Variants in SBF2 observed in about 807,000 individuals in gnomAD.
SBF2 encodes SET binding factor 2.
A neutral mutation model predicts 225.2 loss-of-function variants in SBF2; 112 were observed. That is an observed-to-expected ratio of 0.50 (90% CI 0.43 to 0.58). SBF2 has a LOEUF of 0.58. Ranked by LOEUF, SBF2 falls within the 20% of genes least tolerant of loss-of-function variation. SBF2 has a pLI of 0.00. For missense variants in SBF2, 1,996 were observed against 2,206.2 expected (o/e 0.90, Z 1.91); for synonymous variants, 763 against 773.3 (o/e 0.99, Z 0.22).
At chr11:10,181,394 T>C (rs1382241404) in intron 2 of SBF2, among the ~76,000 whole-genome samples, 1 of 152,078 alleles carries the variant, frequency 6.6e-6, no homozygotes, top group African/African-American at 2.4e-5. Flanking sequence ...ACTGTCACTT[T>C]TCTCTTTGGT....
intron 16 of SBF2, among the ~76,000 whole-genome samples, chr11:9,938,303 GA>G (rs67208106): frequency 0.17 from 23,632 of 143,148 alleles, 2,115 homozygotes; most frequent in Middle Eastern, 0.27. Flanking sequence ...AAAAAAAAAA[GA>G]AAAAAAAAAG....
At chr11:10,174,806 G>T (rs1346153419) in intron 2 of SBF2, among the ~76,000 whole-genome samples, 2 of 151,884 alleles carry the variant, frequency 1.3e-5, no homozygotes, top group South Asian at 2.1e-4. Context: ...GACTAACAGC[G>T]GATCTCTCGG....
chr11:9,781,033 C>G (rs1483655880), intron 39 of SBF2, among the ~76,000 whole-genome samples: 1 of 152,228 alleles, frequency 6.6e-6, no homozygotes, highest in Non-Finnish European at 1.5e-5. Flanking sequence ...CTGCTTGACT[C>G]CAGGGACTAC....
At chr11:9,825,751 G>A (rs1009676940) in intron 28 of SBF2, among the ~76,000 whole-genome samples, 3 of 152,146 alleles carry the variant, frequency 2.0e-5, no homozygotes, top group Admixed American at 6.5e-5. Flanking sequence ...GCACTGATTC[G>A]TATAATAAGT....
At chr11:10,258,109 C>CACT (rs1555098198) in intron 1 of SBF2, among the ~76,000 whole-genome samples, 62 of 133,512 alleles carry the variant, frequency 4.6e-4, no homozygotes, top group African/African-American at 1.4e-3. Flanking sequence ...CACACACACA[C>CACT]TTTTTTTTTT....
chr11:10,108,247 G>C (rs1045692635), intron 2 of SBF2, among the ~76,000 whole-genome samples: 1 of 152,106 alleles, frequency 6.6e-6, no homozygotes, highest in African/African-American at 2.4e-5. Context: ...AATGACAGAG[G>C]CTAAGGAAGA....
At chr11:9,932,980 A>C (rs1299989623) in intron 16 of SBF2, among the ~76,000 whole-genome samples, 222 of 150,496 alleles carry the variant, frequency 1.5e-3, no homozygotes, top group African/African-American at 3.1e-3. Context: ...AAAAAAAAAA[A>C]AAAAAAACAG....
chr11:9,809,933 C>T (rs1424768074), intron 30 of SBF2, among the ~76,000 whole-genome samples: 2 of 152,130 alleles, frequency 1.3e-5, no homozygotes, highest in East Asian at 3.9e-4. Context: ...TTGAGTTGTG[C>T]ACCTTTATCA....
intron 28 of SBF2, among the ~76,000 whole-genome samples, chr11:9,823,446 T>C (rs1473183940): frequency 1.4e-5 from 2 of 145,728 alleles, no homozygotes; most frequent in African/African-American, 5.1e-5. Flanking sequence ...ATGAAAAAAA[T>C]TGTGAAAATA....
At chr11:10,120,111 G>C (rs886745747) in intron 2 of SBF2, among the ~76,000 whole-genome samples, 2 of 152,018 alleles carry the variant, frequency 1.3e-5, no homozygotes, top group Non-Finnish European at 2.9e-5. Context: ...CCTAGCCCCT[G>C]GCAATCCCAT....
At chr11:9,921,064 C>CTTTTTTTTT (rs34959264) in intron 16 of SBF2, among the ~76,000 whole-genome samples, 2 of 85,888 alleles carry the variant, frequency 2.3e-5, no homozygotes, top group Non-Finnish European at 2.1e-5. Context: ...CTGAAAACTT[C>CTTTTTTTTT]TTTTTTTTTT....
intron 2 of SBF2, among the ~76,000 whole-genome samples, chr11:10,047,566 C>A (rs923515724): frequency 5.3e-5 from 8 of 152,126 alleles, no homozygotes; most frequent in South Asian, 4.1e-4. Context: ...ACCATTACCC[C>A]CTTTGATCCA....
intron 35 of SBF2, among the ~76,000 whole-genome samples, chr11:9,788,851 C>T (rs1292468031): frequency 3.3e-5 from 5 of 151,536 alleles, no homozygotes; most frequent in South Asian, 2.1e-4. Context: ...GTGATCTGCC[C>T]GCCTCAGCCT....
At chr11:10,044,677 C>A (rs1244699455) in intron 2 of SBF2, 2 of 153,562 alleles carry the variant, frequency 1.3e-5, no homozygotes, top group Admixed American at 1.3e-4. Flanking sequence ...AAAGGCCCCA[C>A]CTTCTTGTAC....
At chr11:10,174,772 T>C (rs562223654) in intron 2 of SBF2, among the ~76,000 whole-genome samples, 21 of 152,122 alleles carry the variant, frequency 1.4e-4, no homozygotes, top group African/African-American at 4.8e-4. Flanking sequence ...AAAGGTCCGG[T>C]TACCCACAAA....
intron 2 of SBF2, among the ~76,000 whole-genome samples, chr11:10,140,281 G>A (rs966398533): frequency 1.3e-5 from 2 of 152,168 alleles, no homozygotes; most frequent in African/African-American, 2.4e-5. Flanking sequence ...ATGGCTTCCA[G>A]GGGAACCAAC....
intron 1 of SBF2, among the ~76,000 whole-genome samples, chr11:10,301,846 C>A (rs1220647810): frequency 1.3e-5 from 2 of 152,152 alleles, no homozygotes; most frequent in African/African-American, 4.8e-5. Context: ...TACGCAAAAA[C>A]CCTTTAGCAT....
chr11:10,036,329 T>C (rs1452638809), intron 3 of SBF2, among the ~76,000 whole-genome samples: 1 of 152,020 alleles, frequency 6.6e-6, no homozygotes, highest in Non-Finnish European at 1.5e-5. Flanking sequence ...GGTTGATGGG[T>C]GCAGCAAACC....
At chr11:10,072,260 A>G (rs1950911897) in intron 2 of SBF2, among the ~76,000 whole-genome samples, 1 of 152,182 alleles carries the variant, frequency 6.6e-6, no homozygotes, top group Non-Finnish European at 1.5e-5. Flanking sequence ...ATAGTTCCTA[A>G]AGCCAAAACT....
Sources: allele counts gnomAD v4.1 joint callset (sites outside exome capture counted in the v4.1 genomes callset), GRCh38; gene constraint gnomAD v4.1.1; transcripts MANE v1.5; gene names NCBI Gene and HGNC (gene_info 2026-07-23, HGNC 2026-07-21).